Variants in FOXP1 observed in about 807,000 individuals in gnomAD.
FOXP1 encodes the protein forkhead box protein P1.
In FOXP1, 15 loss-of-function variants were observed where a neutral mutation model predicts 98.2. The ratio of observed to expected loss-of-function variants is 0.15; its 90% confidence interval spans 0.10 to 0.24. FOXP1 has a LOEUF of 0.24. Among genes scored for constraint, FOXP1 ranks in the 10% least tolerant of loss-of-function variants. The pLI is 1.00. For synonymous variants in FOXP1, 371 were observed against 314.5 expected (o/e 1.18, Z -1.90); for missense variants, 633 against 848.5 (o/e 0.75, Z 3.15).
chr3:71,349,432 G>A (rs1294518678), intron 4 of FOXP1, among the ~76,000 whole-genome samples: 3 of 152,108 alleles, frequency 2.0e-5, no homozygotes, highest in Non-Finnish European at 4.4e-5. Context: ...TTATAACTTA[G>A]TAATCAGAGT....
chr3:71,070,928 T>C (rs1221347368), intron 7 of FOXP1, among the ~76,000 whole-genome samples: 1 of 152,102 alleles, frequency 6.6e-6, no homozygotes, highest in African/African-American at 2.4e-5. Flanking sequence ...GAACACCCAA[T>C]CCAGCCGACA....
chr3:71,567,044 A>C (rs1187383514), intron 2 of FOXP1, among the ~76,000 whole-genome samples: 1 of 152,146 alleles, frequency 6.6e-6, no homozygotes, highest in Non-Finnish European at 1.5e-5. Context: ...TGCTGGAATG[A>C]TGAGGATAGG....
intron 2 of FOXP1, among the ~76,000 whole-genome samples, chr3:71,554,593 T>C (rs2045994132): frequency 6.6e-6 from 1 of 152,184 alleles, no homozygotes; most frequent in Non-Finnish European, 1.5e-5. Context: ...ATTTGAAACA[T>C]CCAATGGTAT....
intron 5 of FOXP1, among the ~76,000 whole-genome samples, chr3:71,287,438 A>C (rs1487538265): frequency 6.6e-6 from 1 of 152,078 alleles, no homozygotes. Context: ...GCACCACTGC[A>C]CTCCAGCCTG....
intron 3 of FOXP1, among the ~76,000 whole-genome samples, chr3:71,478,341 G>A (rs1375581118): frequency 2.0e-5 from 3 of 152,128 alleles, no homozygotes; most frequent in East Asian, 3.8e-4. Flanking sequence ...GATCATGCCT[G>A]CATCAATAAA....
At chr3:71,534,215 T>C (rs1048237579) in intron 2 of FOXP1, among the ~76,000 whole-genome samples, 2 of 152,008 alleles carry the variant, frequency 1.3e-5, no homozygotes, top group African/African-American at 2.4e-5. Context: ...AATACAAAAT[T>C]AGCCAGGTGT....
rs1180021035 is a variant in FOXP1, at chr3:70,957,073, T to C, written c.*2174A>G. ...TTTCTAGAAATACTATTATGTAATC[T>C]AGTTCAATTATGGAAGCTTTTCTGT... On this transcript the variant is annotated 3_prime_UTR_variant, in exon 21 of 21. Transcript: ENST00000649528. The C allele has an allele frequency of 9.0e-6, 2 of 223,100 alleles. No individual in the cohort carries two copies. Among genetic ancestry groups the C allele is most frequent in the East Asian group, 6.6e-5 (1 of 15,176 alleles). 13.8% of individuals were successfully genotyped at this position (223,100 alleles called of 1,614,324 possible). A position where few individuals can be genotyped will look rare whatever the true frequency, so the allele number is the denominator to read the frequency against.
At chr3:71,003,577 A>G (rs754218169) in intron 12 of FOXP1, among the ~76,000 whole-genome samples, 5 of 152,202 alleles carry the variant, frequency 3.3e-5, no homozygotes, top group Non-Finnish European at 7.3e-5. Flanking sequence ...TGATTATTTT[A>G]TACTGCAAAG....
At chr3:71,305,084 T>C (rs1264423271) in intron 4 of FOXP1, among the ~76,000 whole-genome samples, 1 of 152,192 alleles carries the variant, frequency 6.6e-6, no homozygotes, top group East Asian at 1.9e-4. Context: ...CAGAATGATC[T>C]AAGTGTACAC....
intron 3 of FOXP1, among the ~76,000 whole-genome samples, chr3:71,491,811 A>G (rs1415905764): frequency 6.6e-6 from 1 of 152,228 alleles, no homozygotes; most frequent in Non-Finnish European, 1.5e-5. Context: ...TAATGTATAC[A>G]AGGGGAAGGA....
chr3:71,068,357 C>G (rs1442213011), intron 7 of FOXP1, among the ~76,000 whole-genome samples: 5 of 152,134 alleles, frequency 3.3e-5, no homozygotes, highest in Non-Finnish European at 7.4e-5. Flanking sequence ...GTTTTACTGC[C>G]CATTCAGAGC....
chr3:71,180,217 C>T (rs1490820770), intron 6 of FOXP1, among the ~76,000 whole-genome samples: 3 of 151,938 alleles, frequency 2.0e-5, no homozygotes, highest in Non-Finnish European at 4.4e-5. Flanking sequence ...TAGAAACTTC[C>T]TCAGCCTTCC....
chr3:71,123,941 C>T (rs563084083), intron 6 of FOXP1, among the ~76,000 whole-genome samples: 1 of 151,984 alleles, frequency 6.6e-6, no homozygotes, highest in Non-Finnish European at 1.5e-5. Context: ...TTTCACAATG[C>T]TTTGAGGTAA....
intron 4 of FOXP1, among the ~76,000 whole-genome samples, chr3:71,318,930 A>G (rs556643877): frequency 6.6e-6 from 1 of 152,346 alleles, no homozygotes; most frequent in East Asian, 1.9e-4. Flanking sequence ...CTGAGCGTAA[A>G]GATGTGTTCC....
intron 2 of FOXP1, among the ~76,000 whole-genome samples, chr3:71,518,742 A>T (rs1415660758): frequency 6.6e-6 from 1 of 152,226 alleles, no homozygotes; most frequent in African/African-American, 2.4e-5. Context: ...TTGAGTCATT[A>T]AACATTTGTA....
chr3:71,438,026 G>A (rs1461165223), intron 3 of FOXP1, among the ~76,000 whole-genome samples: 1 of 152,210 alleles, frequency 6.6e-6, no homozygotes, highest in Non-Finnish European at 1.5e-5. Context: ...ATGTATTTAT[G>A]TGATTCTACC....
intron 3 of FOXP1, among the ~76,000 whole-genome samples, chr3:71,386,741 CAAAAAAAAAA>C (rs5850010): frequency 2.2e-5 from 2 of 90,976 alleles, no homozygotes; most frequent in African/African-American, 4.7e-5. Context: ...GATTCCGTCT[CAAAAAAAAAA>C]AAAAAAAAAA....
intron 7 of FOXP1, among the ~76,000 whole-genome samples, chr3:71,067,015 T>C (rs1053073729): frequency 3.3e-5 from 5 of 152,046 alleles, no homozygotes; most frequent in African/African-American, 1.2e-4. Context: ...GTAAGCACCA[T>C]GGGACCACAA....
intron 3 of FOXP1, among the ~76,000 whole-genome samples, chr3:71,444,499 C>T (rs952885512): frequency 1.3e-5 from 2 of 152,042 alleles, no homozygotes; most frequent in South Asian, 2.1e-4. Context: ...GCAGCACTTC[C>T]GTCAACTGTC....
Sources: gnomAD v4.1 joint callset for allele counts (sites outside exome capture counted in the v4.1 genomes callset) on GRCh38, gnomAD v4.1.1 for gene constraint, MANE v1.5 for transcripts, NCBI Gene and HGNC (gene_info 2026-07-23, HGNC 2026-07-21) for gene names.